The following CCSER1 variants were observed in gnomAD, a reference collection of about 807,000 sequenced individuals.
The protein encoded by CCSER1 is serine-rich coiled-coil domain-containing protein 1.
CCSER1 carries 41 observed loss-of-function variants against 82.0 expected under a neutral mutation model. That is an observed-to-expected ratio of 0.50 (90% confidence interval 0.39 to 0.65). CCSER1 has a LOEUF of 0.65. Ranked by LOEUF, CCSER1 falls within the 30% of genes least tolerant of loss-of-function variation. The pLI, the probability that CCSER1 is intolerant of heterozygous loss-of-function variation, is 0.00. For missense variants in CCSER1, 1,119 were observed against 1,064.2 expected, an observed-to-expected ratio of 1.05 and a Z score of -0.72; for synonymous variants, 414 against 383.9, an observed-to-expected ratio of 1.08 and a Z score of -0.92.
chr4:90,961,402 C>T (rs1216590104), intron 9 of CCSER1, among the ~76,000 whole-genome samples: 1 of 152,106 alleles, frequency 6.6e-6, no homozygotes, highest in African/African-American at 2.4e-5. Flanking sequence ...TCACCTGATC[C>T]ATCTTTTAGC....
chr4:91,402,588 G>A (rs1284425031), intron 10 of CCSER1, among the ~76,000 whole-genome samples: 2 of 152,124 alleles, frequency 1.3e-5, no homozygotes. Context: ...GTAAGGAAGG[G>A]ATCCAGTTTC....
intron 10 of CCSER1, among the ~76,000 whole-genome samples, chr4:91,569,029 T>C (rs973161592): frequency 3.3e-5 from 5 of 152,208 alleles, no homozygotes; most frequent in African/African-American, 1.2e-4. Context: ...CTTTTCTGGA[T>C]GTTCTCACCA....
At chr4:90,351,173 C>T (rs933814684) in intron 3 of CCSER1, among the ~76,000 whole-genome samples, 1 of 152,052 alleles carries the variant, frequency 6.6e-6, no homozygotes, top group Non-Finnish European at 1.5e-5. Flanking sequence ...TACTAGTGCA[C>T]ATACAGTCAA....
intron 1 of CCSER1, among the ~76,000 whole-genome samples, chr4:90,145,634 G>T (rs1460320057): frequency 6.6e-6 from 1 of 152,092 alleles, no homozygotes; most frequent in African/African-American, 2.4e-5. Flanking sequence ...TCTTTATGCA[G>T]TCATTGTCTT....
chr4:91,358,854 G>A (rs564276639), intron 10 of CCSER1, among the ~76,000 whole-genome samples: 3 of 152,092 alleles, frequency 2.0e-5, no homozygotes, highest in African/African-American at 7.2e-5. Flanking sequence ...AGGCTGGCTG[G>A]AGTCCCCCTC....
At chr4:90,247,947 A>G (rs1179750270) in intron 1 of CCSER1, among the ~76,000 whole-genome samples, 2 of 152,122 alleles carry the variant, frequency 1.3e-5, no homozygotes, top group Non-Finnish European at 2.9e-5. Flanking sequence ...TAAATTTTCC[A>G]GTATTGCCAA....
intron 1 of CCSER1, among the ~76,000 whole-genome samples, chr4:90,157,467 G>A (rs1728477186): frequency 1.3e-5 from 2 of 152,156 alleles, no homozygotes; most frequent in South Asian, 4.1e-4. Flanking sequence ...CCTGAAGAGT[G>A]TTTTCTAACT....
chr4:90,527,307 A>G (rs996870584), intron 5 of CCSER1, among the ~76,000 whole-genome samples: 23 of 152,238 alleles, frequency 1.5e-4, no homozygotes, highest in Non-Finnish European at 2.2e-4. Context: ...CGCTTCTCAA[A>G]AGAAGATATT....
At chr4:91,367,676 T>A (rs1018907166) in intron 10 of CCSER1, among the ~76,000 whole-genome samples, 1 of 152,182 alleles carries the variant, frequency 6.6e-6, no homozygotes, top group Non-Finnish European at 1.5e-5. Context: ...TCATGGATTT[T>A]CTTCTTCACC....
intron 6 of CCSER1, among the ~76,000 whole-genome samples, chr4:90,705,769 G>A (rs763716916): frequency 4.7e-4 from 72 of 152,292 alleles, no homozygotes; most frequent in Admixed American, 2.4e-3. Context: ...GGGACCCTCC[G>A]AGCCAGGCTC....
intron 5 of CCSER1, among the ~76,000 whole-genome samples, chr4:90,567,183 AC>A (rs1560731827): frequency 2.0e-5 from 3 of 151,744 alleles, no homozygotes; most frequent in Non-Finnish European, 4.4e-5. Flanking sequence ...CTGATTTTCA[AC>A]ATTTTGTGAT....
At chr4:90,873,410 G>C (rs1333788393) in intron 8 of CCSER1, among the ~76,000 whole-genome samples, 2 of 152,072 alleles carry the variant, frequency 1.3e-5, no homozygotes, top group African/African-American at 2.4e-5. Context: ...CTTAGCTTCA[G>C]AGTTTCTGCT....
At chr4:90,444,102 A>G (rs551896518) in intron 4 of CCSER1, among the ~76,000 whole-genome samples, 1 of 152,122 alleles carries the variant, frequency 6.6e-6, no homozygotes, top group South Asian at 2.1e-4. Flanking sequence ...TTAACAGAGA[A>G]AATACTCAAT....
intron 7 of CCSER1, among the ~76,000 whole-genome samples, chr4:90,768,271 T>A (rs1012999926): frequency 6.6e-6 from 1 of 152,144 alleles, no homozygotes; most frequent in South Asian, 2.1e-4. Flanking sequence ...ACCTTGTGAG[T>A]AAGTAGATGC....
Position 91,116,361 on chromosome 4 carries a change from G to A in CCSER1, c.2217+30367G>A, listed in dbSNP as rs1290513699. 2.0e-5 allele frequency among the ~76,000 whole-genome samples: 3 copies of A among 152,152 alleles called. No individual in the cohort carries two copies. The South Asian group carries it at 6.2e-4, about 32-fold the overall frequency. The stretch of plus-strand genomic sequence containing the variant: ...GGAACTCACAGTGTGCCGCTTGCAA[G>A]CTCTGATTTAGTAAAAGAGTAACAG... On this transcript the variant is annotated intron_variant, in intron 10 of 10. Transcript: ENST00000509176.
intron 8 of CCSER1, among the ~76,000 whole-genome samples, chr4:90,894,978 A>G (rs13137495): frequency 0.38 from 57,549 of 151,774 alleles, 11,552 homozygotes; most frequent in Non-Finnish European, 0.46. Context: ...CTCTAAAATT[A>G]TGTGTATACA....
intron 5 of CCSER1, among the ~76,000 whole-genome samples, chr4:90,535,571 A>T (rs112478222): frequency 0.031 from 4,749 of 152,310 alleles, 97 homozygotes; most frequent in Non-Finnish European, 0.047. Flanking sequence ...GCAGTGCTCA[A>T]GGAGGGGACT....
At chr4:90,403,359 C>T (rs572627272) in intron 4 of CCSER1, among the ~76,000 whole-genome samples, 10 of 151,248 alleles carry the variant, frequency 6.6e-5, no homozygotes, top group East Asian at 3.9e-4. Flanking sequence ...ATTAGCCGGG[C>T]GTAGTGGCGG....
chr4:90,387,939 T>G (rs1202114369), intron 3 of CCSER1, among the ~76,000 whole-genome samples: 1 of 152,190 alleles, frequency 6.6e-6, no homozygotes, highest in Non-Finnish European at 1.5e-5. Context: ...GAGGGTGGTT[T>G]TGTGAATCCT....
Sources: allele counts gnomAD v4.1 joint callset (sites outside exome capture counted in the v4.1 genomes callset), GRCh38; gene constraint gnomAD v4.1.1; transcripts MANE v1.5; gene names NCBI Gene and HGNC (gene_info 2026-07-23, HGNC 2026-07-21).